Variants in MCPH1 observed in about 807,000 individuals in gnomAD.
MCPH1 encodes the protein microcephalin 1.
Under a neutral mutation model 84.5 loss-of-function variants are expected in MCPH1, and 104 were observed. The ratio of observed to expected loss-of-function variants is 1.23; its 90% CI spans 1.05 to 1.45. MCPH1 has a LOEUF of 1.45. Among genes scored for constraint, MCPH1 ranks in the 40% most tolerant of loss-of-function variants. The pLI is 0.00. For missense variants in MCPH1, 1,498 were observed against 1,005.7 expected, an observed-to-expected ratio of 1.49 and a Z score of -6.62; for synonymous variants, 514 against 366.8, an observed-to-expected ratio of 1.40 and a Z score of -4.58.
chr8:6,505,019 G>A (rs1259162045), intron 12 of MCPH1, among the ~76,000 whole-genome samples: 1 of 151,494 alleles, frequency 6.6e-6, no homozygotes, highest in Non-Finnish European at 1.5e-5. Context: ...TTTTAAAATA[G>A]AGAAAATAAT....
At chr8:6,432,826 C>G (rs1188285790) in intron 4 of MCPH1, among the ~76,000 whole-genome samples, 24 of 152,246 alleles carry the variant, frequency 1.6e-4, no homozygotes, top group Admixed American at 1.5e-3. Context: ...AGTCTCTGGA[C>G]TCCCTGTGAC....
chr8:6,426,372 G>A (rs1801063077), intron 3 of MCPH1, among the ~76,000 whole-genome samples: 1 of 152,288 alleles, frequency 6.6e-6, no homozygotes, highest in South Asian at 2.1e-4. Flanking sequence ...CCCCAGGGCA[G>A]CCACAGATCT....
intron 13 of MCPH1, among the ~76,000 whole-genome samples, chr8:6,639,182 T>G (rs1238560115): frequency 6.6e-6 from 1 of 152,040 alleles, no homozygotes; most frequent in Non-Finnish European, 1.5e-5. Flanking sequence ...GATGGTTGGA[T>G]GGATGGGTAG....
At chr8:6,424,558 C>G (rs1027325201) in intron 3 of MCPH1, among the ~76,000 whole-genome samples, 5 of 152,242 alleles carry the variant, frequency 3.3e-5, no homozygotes, top group Non-Finnish European at 7.3e-5. Flanking sequence ...CTTAGTCTTT[C>G]ACTGGCTTTT....
chr8:6,455,487 T>C (rs1805575043), intron 9 of MCPH1, among the ~76,000 whole-genome samples: 1 of 152,254 alleles, frequency 6.6e-6, no homozygotes, highest in Admixed American at 6.5e-5. Context: ...AATGCATTTC[T>C]TATAAAAATG....
At chr8:6,572,502 T>C (rs1826742005) in intron 12 of MCPH1, among the ~76,000 whole-genome samples, 1 of 152,212 alleles carries the variant, frequency 6.6e-6, no homozygotes, top group African/African-American at 2.4e-5. Flanking sequence ...CCTACATCAA[T>C]TGCAACTAAA....
intron 2 of MCPH1, among the ~76,000 whole-genome samples, 191 bp downstream of exon 2, chr8:6,409,561 C>A (rs576644205): frequency 8.6e-5 from 13 of 152,004 alleles, no homozygotes; most frequent in Non-Finnish European, 1.8e-4. Context: ...TGCCTGTGGG[C>A]ATTGAGTGAG....
At chr8:6,603,153 C>T (rs1829500698) in intron 12 of MCPH1, among the ~76,000 whole-genome samples, 1 of 152,108 alleles carries the variant, frequency 6.6e-6, no homozygotes, top group Non-Finnish European at 1.5e-5. Context: ...TGATCAGCCT[C>T]TACCGCCGGA....
chr8:6,532,301 G>A (rs776935792), intron 12 of MCPH1: 3 of 1,613,652 alleles, frequency 1.9e-6, no homozygotes, highest in Non-Finnish European at 2.5e-6. Context: ...TAGCTGCAGG[G>A]ACACCGTGTG....
chr8:6,412,051 A>C (rs1798612451), intron 2 of MCPH1, among the ~76,000 whole-genome samples: 1 of 152,128 alleles, frequency 6.6e-6, no homozygotes, highest in African/African-American at 2.4e-5. Context: ...TGTGGGTATA[A>C]AACTTAAGAG....
At chr8:6,534,577 A>T (rs575925890) in intron 12 of MCPH1, among the ~76,000 whole-genome samples, 4 of 152,334 alleles carry the variant, frequency 2.6e-5, no homozygotes, top group African/African-American at 9.6e-5. Context: ...CTGAAGCCTT[A>T]GTTTTCCATA....
chr8:6,567,872 A>G (rs1352995749), intron 12 of MCPH1, among the ~76,000 whole-genome samples: 1 of 152,198 alleles, frequency 6.6e-6, no homozygotes, highest in African/African-American at 2.4e-5. Flanking sequence ...CAGATGAGAA[A>G]CATTATTACA....
chr8:6,580,404 C>T (rs1009964747), intron 12 of MCPH1, among the ~76,000 whole-genome samples: 5 of 152,162 alleles, frequency 3.3e-5, no homozygotes, highest in African/African-American at 1.2e-4. Context: ...TGCCTGTAAT[C>T]CCAGCACTTT....
chr8:6,584,757 A>C (rs1030283991), intron 12 of MCPH1, among the ~76,000 whole-genome samples: 7 of 152,230 alleles, frequency 4.6e-5, no homozygotes, highest in African/African-American at 1.4e-4. Flanking sequence ...TTCCAAATGC[A>C]GTCATCATCT....
At position 6,647,175 on chromosome 8, in the gene MCPH1, C is replaced by G. The variant is rs895342573; in HGVS notation, c.*4126C>G. On this transcript the variant is annotated 3_prime_UTR_variant, in exon 14 of 14. Coordinates refer to ENST00000344683, the MANE Select transcript of MCPH1 (RefSeq NM_024596.5). Reference sequence around the variant, plus strand: ...TACAAATATTAAGCACATTAAAATGCTCAATATTATTAGTCACTAGGGAAA... The same window carrying G: ...TACAAATATTAAGCACATTAAAATGGTCAATATTATTAGTCACTAGGGAAA... 3 of 152,136 alleles carry G rather than the reference C, an allele frequency of 2.0e-5. No homozygotes were observed. Among genetic ancestry groups the G allele is most frequent in the Non-Finnish European group, 2.9e-5 (2 of 68,026 alleles). The allele number at this position is 152,136 out of a possible 1,614,324, so 9.4% of individuals were successfully genotyped here.
At chr8:6,493,119 C>T (rs1810837458) in intron 11 of MCPH1, among the ~76,000 whole-genome samples, 1 of 151,940 alleles carries the variant, frequency 6.6e-6, no homozygotes, top group Non-Finnish European at 1.5e-5. Context: ...CTTTGTTTTC[C>T]TTTTGATAAG....
chr8:6,566,802 G>A lies in MCPH1; in HGVS notation c.2215-54652G>A, dbSNP rs551336255. ...CGACAGTGCTTATGGTGTGGTGACCGTGTGTGATCCGCAAGGCCATGGATA... is the reference window on the plus strand; with the variant it reads ...CGACAGTGCTTATGGTGTGGTGACCATGTGTGATCCGCAAGGCCATGGATA... On this transcript the variant is annotated intron_variant, in intron 12 of 13. Transcript: ENST00000344683. 2.5e-3 allele frequency among the ~76,000 whole-genome samples: 372 copies of A among 149,516 alleles called. 1 individual carries two copies. The highest frequency in any genetic ancestry group is 0.022 in the Middle Eastern group (6 of 276).
At chr8:6,617,455 C>G (rs1010954276) in intron 12 of MCPH1, among the ~76,000 whole-genome samples, 6 of 151,824 alleles carry the variant, frequency 4.0e-5, no homozygotes, top group African/African-American at 1.5e-4. Flanking sequence ...TAGCTAGAAA[C>G]TTCTGGGTCA....
chr8:6,463,181 G>A (rs748965240), intron 9 of MCPH1, among the ~76,000 whole-genome samples: 6 of 152,210 alleles, frequency 3.9e-5, no homozygotes, highest in Non-Finnish European at 5.9e-5. Context: ...GGGGTGAGAT[G>A]TAGGCCATTA....
Sources: gnomAD v4.1 joint callset for allele counts (sites outside exome capture counted in the v4.1 genomes callset) on GRCh38, gnomAD v4.1.1 for gene constraint, MANE v1.5 for transcripts, NCBI Gene and HGNC (gene_info 2026-07-23, HGNC 2026-07-21) for gene names.